Variants in TVP23B observed in about 807,000 individuals in gnomAD.
The protein encoded by TVP23B is trans-golgi network vesicle protein 23 homolog B.
Under a neutral mutation model 30.6 loss-of-function variants are expected in TVP23B, and 10 were observed. The ratio of observed to expected loss-of-function variants is 0.33; its 90% confidence interval spans 0.20 to 0.55. The LOEUF is 0.55. TVP23B is among the 20% of genes least tolerant of loss of function. TVP23B has a pLI of 0.91. For synonymous variants in TVP23B, 67 were observed against 83.1 expected, an observed-to-expected ratio of 0.81 and a Z score of 1.06; for missense variants, 153 against 243.2, an observed-to-expected ratio of 0.63 and a Z score of 2.47.
chr17:18,783,107 T>TTATTTATA, intron 1 of TVP23B, among the ~76,000 whole-genome samples: 1 of 134,628 alleles, frequency 7.4e-6, no homozygotes, highest in Non-Finnish European at 1.6e-5. Flanking sequence ...ATTGATTGAT[T>TTATTTATA]CATTCATTCA....
At chr17:18,790,463 CAAAAAAA>C (rs1465361992) in intron 2 of TVP23B, among the ~76,000 whole-genome samples, 1 of 24,586 alleles carries the variant, frequency 4.1e-5, no homozygotes, top group South Asian at 9.9e-4. Flanking sequence ...GACTCCGTCT[CAAAAAAA>C]AAAAAAAAAG....
At position 18,806,419 on chromosome 17, in the gene TVP23B, T is replaced by A; in HGVS notation, c.*852T>A. On this transcript the variant is annotated 3_prime_UTR_variant, in exon 7 of 7. Transcript: ENST00000307767. ...TTTATTTTCTGAATCTATTTTTTTC[T>A]TGCTATAATGGGGATATTGTAAATT... The A allele has an allele frequency of 1.3e-5, 5 of 398,056 alleles. No individual in the cohort carries two copies. The highest frequency in any genetic ancestry group is 1.7e-5 in the Non-Finnish European group (5 of 294,698). 24.7% of individuals were successfully genotyped at this position (398,056 alleles called of 1,614,324 possible).
intron 5 of TVP23B, among the ~76,000 whole-genome samples, chr17:18,801,807 T>C (rs551557695): frequency 2.2e-4 from 34 of 152,304 alleles, no homozygotes; most frequent in Middle Eastern, 3.4e-3. Flanking sequence ...TACTTATGCC[T>C]AGTGTTCCAT....
chr17:18,795,016 CTTTTTTTTTT>C (rs781620472), intron 3 of TVP23B, among the ~76,000 whole-genome samples: 1,684 of 46,468 alleles, frequency 0.036, 55 homozygotes, highest in African/African-American at 0.13. Flanking sequence ...CATCTCAAAT[CTTTTTTTTTT>C]TTTTTTTTTT....
At chr17:18,794,157 C>G (rs1234451561) in intron 3 of TVP23B, among the ~76,000 whole-genome samples, 1 of 151,980 alleles carries the variant, frequency 6.6e-6, no homozygotes, top group Non-Finnish European at 1.5e-5. Flanking sequence ...ACCAAAGTGC[C>G]AAAAAATAAA....
intron 5 of TVP23B, among the ~76,000 whole-genome samples, chr17:18,799,834 TGTA>T (rs1323201326): frequency 6.6e-6 from 1 of 152,128 alleles, no homozygotes; most frequent in Non-Finnish European, 1.5e-5. Flanking sequence ...CCTCCTAATT[TGTA>T]GTATTTTCTT....
chr17:18,793,095 C>T (rs973187610), intron 3 of TVP23B, among the ~76,000 whole-genome samples: 5 of 152,076 alleles, frequency 3.3e-5, no homozygotes, highest in Non-Finnish European at 5.9e-5. Flanking sequence ...TTACAAATTT[C>T]TCCTGGGCCG....
At chr17:18,804,560 GA>G (rs1452191212) in intron 6 of TVP23B, 1 of 1,189,058 alleles carries the variant, frequency 8.4e-7, no homozygotes, top group Admixed American at 4.2e-5. Context: ...AGCTTTAAGT[GA>G]ATGCCCTTGC....
intron 6 of TVP23B, among the ~76,000 whole-genome samples, 153 bp from the exon 7 acceptor site, chr17:18,805,388 A>G (rs2151853705): frequency 6.6e-6 from 1 of 152,180 alleles, no homozygotes; most frequent in East Asian, 1.9e-4. Context: ...CCAGCCTAGC[A>G]TGTCTACTTT....
intron 5 of TVP23B, among the ~76,000 whole-genome samples, chr17:18,801,019 A>T (rs1282209882): frequency 1.3e-5 from 2 of 152,256 alleles, no homozygotes; most frequent in Non-Finnish European, 2.9e-5. Context: ...GAAGGTAGAC[A>T]AACAGTAAAA....
intron 4 of TVP23B, 92 bp from the exon 5 acceptor site, chr17:18,798,720 G>A: frequency 6.6e-7 from 1 of 1,510,236 alleles, no homozygotes; most frequent in Non-Finnish European, 8.9e-7. Flanking sequence ...ATTAATATTT[G>A]AACTTGTGGG....
intron 6 of TVP23B, among the ~76,000 whole-genome samples, chr17:18,804,988 T>C (rs2036225838): frequency 1.3e-5 from 2 of 151,654 alleles, no homozygotes; most frequent in African/African-American, 4.8e-5. Context: ...GATTTTACTA[T>C]AATACCCCAA....
chr17:18,784,572 A>T (rs2035870791), intron 1 of TVP23B, among the ~76,000 whole-genome samples: 2 of 151,876 alleles, frequency 1.3e-5, no homozygotes, highest in Admixed American at 6.6e-5. Flanking sequence ...AGTCGCTTGA[A>T]CCCGGGAGGT....
intron 5 of TVP23B, among the ~76,000 whole-genome samples, chr17:18,803,780 G>T (rs145074294): frequency 0.03 from 4,530 of 152,234 alleles, 96 homozygotes; most frequent in Non-Finnish European, 0.044. Flanking sequence ...ATTAACATTT[G>T]AACCTTTCCT....
At chr17:18,787,157 G>A (rs1315035987) in intron 1 of TVP23B, among the ~76,000 whole-genome samples, 1 of 152,210 alleles carries the variant, frequency 6.6e-6, no homozygotes, top group Non-Finnish European at 1.5e-5. Context: ...CACTATGGGA[G>A]GGTGAGGTGG....
At chr17:18,785,031 C>T (rs1296686272) in intron 1 of TVP23B, among the ~76,000 whole-genome samples, 1 of 152,218 alleles carries the variant, frequency 6.6e-6, no homozygotes, top group African/African-American at 2.4e-5. Flanking sequence ...TTCATCACCT[C>T]CACTGCATCC....
chr17:18,798,796 T>A lies in TVP23B; in HGVS notation c.331-16T>A. 6.3e-7 allele frequency: 1 copy of A among 1,588,752 alleles called. No homozygotes were observed. The highest frequency in any genetic ancestry group is 1.4e-5 in the African/African-American group (1 of 73,462). ...AAATTTCACAACATGATAATTGAAT[T>A]TATGTTCTTTTATAGGAGTCCTCTC... On this transcript the variant is annotated splice_polypyrimidine_tract_variant and intron_variant, in intron 4 of 6. Coordinates refer to ENST00000307767, the MANE Select transcript of TVP23B (RefSeq NM_016078.6).
chr17:18,804,207 A>G lies in TVP23B; in HGVS notation c.532A>G (p.Ser178Gly). The stretch of plus-strand genomic sequence containing the variant: ...TGGTTACATCAGGTGTAAGGTGCGC[A>G]GCAGAAAGCATTTAACCAGCATGGC... ...LYGYIRCKVR[S>G]RKHLTSMATS... Residue 178 changes from serine (S) to glycine (G), a missense_variant, in exon 6 of 7, where the codon AGC becomes GGC. Around this residue, in one of 3 missense-constraint regions of TVP23B, gnomAD observed 62 missense variants for 74.3 expected, o/e 0.83. Coordinates refer to ENST00000307767, the MANE Select transcript of TVP23B (RefSeq NM_016078.6). The G allele has an allele frequency of 6.2e-7, 1 of 1,610,732 alleles. No homozygotes were observed. Among genetic ancestry groups the G allele is most frequent in the Non-Finnish European group, 8.5e-7 (1 of 1,179,118 alleles).
At chr17:18,785,835 A>C (rs2035897166) in intron 1 of TVP23B, among the ~76,000 whole-genome samples, 1 of 148,958 alleles carries the variant, frequency 6.7e-6, no homozygotes, top group Non-Finnish European at 1.5e-5. Flanking sequence ...CCCTGTGTCA[A>C]AAAAAAAAAA....
Sources: gnomAD v4.1 joint callset for allele counts (sites outside exome capture counted in the v4.1 genomes callset) on GRCh38, gnomAD v4.1.1 for gene constraint, gnomAD v4.1.1 regional missense constraint, MANE v1.5 for transcripts, NCBI Gene and HGNC (gene_info 2026-07-23, HGNC 2026-07-21) for gene names.